AGRN: variants seen among roughly 807,000 people sequenced by gnomAD.
AGRN encodes the protein agrin proteoglycan.
A neutral mutation model predicts 211.0 loss-of-function variants in AGRN; 106 were observed. That is an observed-to-expected ratio of 0.50 (90% CI 0.43 to 0.59). The LOEUF is 0.59. Among genes scored for constraint, AGRN ranks in the 20% least tolerant of loss-of-function variants. The pLI, the probability that AGRN is intolerant of heterozygous loss-of-function variation, is 0.00. For synonymous variants in AGRN, 1,525 were observed against 1,332.5 expected (o/e 1.14, Z -3.15); for missense variants, 3,040 against 2,982.6 (o/e 1.02, Z -0.45).
intron 3 of AGRN, among the ~76,000 whole-genome samples, chr1:1,037,077 C>T (rs1380916113): frequency 6.6e-6 from 1 of 152,188 alleles, no homozygotes; most frequent in Non-Finnish European, 1.5e-5. Context: ...GGACCCGAGT[C>T]TTGCAGGAAG....
intron 2 of AGRN, among the ~76,000 whole-genome samples, chr1:1,033,118 G>A (rs1307660694): frequency 1.3e-5 from 2 of 152,052 alleles, no homozygotes; most frequent in Non-Finnish European, 2.9e-5. Flanking sequence ...GGGCGTTCCA[G>A]CCCCACGGAC....
Position 1,041,941 on chromosome 1 carries a change from A to G in AGRN, c.1178-15A>G. ...GCTCCAGCCTCTCCGTGACTCCCTC[A>G]CCCCTGCGTCCTAGACCAGTGCCCG... On this transcript the variant is annotated splice_polypyrimidine_tract_variant and intron_variant, in intron 6 of 35. Coordinates refer to ENST00000379370, the MANE Select transcript of AGRN (RefSeq NM_198576.4). 1.2e-6 allele frequency: 2 copies of G among 1,610,110 alleles called. No homozygotes were observed. Among genetic ancestry groups the G allele is most frequent in the East Asian group, 2.2e-5 (1 of 44,780 alleles).
At chr1:1,033,101 C>T (rs4279787) in intron 2 of AGRN, among the ~76,000 whole-genome samples, 1 of 152,226 alleles carries the variant, frequency 6.6e-6, no homozygotes, top group African/African-American at 2.4e-5. Flanking sequence ...CCGGAACGGC[C>T]TCTTGGGGGC....
In AGRN at chr1:1,048,408, TG is replaced by T; in HGVS notation, c.4105+48del. 1.4e-6 allele frequency: 1 copy of T among 704,666 alleles called. No homozygotes were observed. 43.7% of individuals were successfully genotyped at this position (704,666 alleles called of 1,614,324 possible). A position where few individuals can be genotyped will look rare whatever the true frequency, so the allele number is the denominator to read the frequency against. ...AGAGGAGGGCGGGGAGGCAGCAGGG[TG>T]GGGGCAAGGATTGGGGGTGGGGCTA... On this transcript the variant is annotated intron_variant, in intron 23 of 35. Coordinates refer to ENST00000379370, the MANE Select transcript of AGRN (RefSeq NM_198576.4). The surrounding 1 kb of genome is among the most constrained non-coding windows in gnomAD (Gnocchi z 5.9).
rs1344044399 is a variant in AGRN at position 1,020,319 on chromosome 1, G to A, written c.147G>A (p.Gly49=). ...REEEANVVLT[G]TVEEILNVDP... ...AGGAGGCGAACGTGGTGCTCACCGG[G>A]ACGGTGGAGGAGATCCTCAACGTGG... Residue 49 remains glycine, a synonymous_variant, in exon 1 of 36, where the codon GGG becomes GGA. Coordinates refer to ENST00000379370, the MANE Select transcript of AGRN (RefSeq NM_198576.4). 5.4e-6 allele frequency: 8 copies of A among 1,490,884 alleles called. No individual in the cohort carries two copies. Among genetic ancestry groups the A allele is most frequent in the East Asian group, 5.8e-5 (2 of 34,322 alleles). 92.4% of individuals were successfully genotyped at this position (1,490,884 alleles called of 1,614,324 possible).
In AGRN at chr1:1,050,333, G is replaced by A. The variant is rs565518558; in HGVS notation, c.4976+4G>A. On this transcript the variant is annotated splice_donor_region_variant and intron_variant, in intron 28 of 35. Transcript: ENST00000379370. ...ACACCTTTGCACGGGACCTGGGGTC[G>A]GTGGGGCAGGAGCAGGGGGAAGGGC... The A allele has an allele frequency of 1.3e-4, 206 of 1,612,832 alleles. 1 individual carries two copies. The South Asian group carries it at 2.0e-3, about 16-fold the overall frequency.
chr1:1,048,211 T>C lies in AGRN; in HGVS notation c.3951T>C (p.Arg1317=). ...TRRPPTTAPS[R]VPGRRPPAPQ... ...GGCCCCCCACCACTGCCCCCAGCCG[T>C]GTGCCCGGACGTCGGCCCCCGGCCC... Residue 1317 remains arginine, a synonymous_variant, in exon 23 of 36, where the codon CGT becomes CGC. Coordinates refer to ENST00000379370, the MANE Select transcript of AGRN (RefSeq NM_198576.4). This position sits in a 1 kb window ranked among gnomAD's most constrained non-coding sequence, Gnocchi z 5.9. The C allele has an allele frequency of 3.2e-6, 5 of 1,553,988 alleles. 1 individual carries two copies. The highest frequency in any genetic ancestry group is 4.3e-6 in the Non-Finnish European group (5 of 1,150,374).
In AGRN at chr1:1,047,781, G is replaced by A; in HGVS notation, c.3637G>A (p.Ala1213Thr). Residue 1213 changes from alanine to threonine, a missense_variant, in exon 22 of 36, where the codon GCC becomes ACC. By Grantham distance (58) the Ala-to-Thr change is moderately conservative. Transcript: ENST00000379370. ...CAGAGCTCCCTCCTCCCCAGCCACA[G>A]CCTTCAGGGCACCCGACGTGGCCCG... ...IVDVHFDPTT[A>T]FRAPDVARAL... is the part of the protein sequence containing the mutation. The A allele has an allele frequency of 6.2e-7, 1 of 1,607,904 alleles. No individual in the cohort carries two copies.
intron 7 of AGRN, 111 bp downstream of exon 7, chr1:1,042,273 T>G: frequency 7.5e-7 from 1 of 1,325,866 alleles, no homozygotes; most frequent in Non-Finnish European, 1.0e-6. Flanking sequence ...GTCCTGGGAG[T>G]GGGCCGGTCC....
chr1:1,054,489 C>T lies in AGRN; in HGVS notation c.5918C>T (p.Pro1973Leu), dbSNP rs1645398330. 3.1e-6 allele frequency: 5 copies of T among 1,602,526 alleles called. No individual in the cohort carries two copies. The highest frequency in any genetic ancestry group is 1.1e-5 in the South Asian group (1 of 88,798). Residue 1973 changes from proline (P) to leucine (L), a missense_variant, in exon 35 of 36, where the codon CCT (proline) becomes CTT (leucine). Around this residue, in one of 3 missense-constraint regions of AGRN, gnomAD observed 1,537 missense variants for 1,505.0 expected, o/e 1.02. Transcript: ENST00000379370. Reference protein sequence around the residue: ...EGSLQVGNEAPVTGSSPLGAT... With the variant: ...EGSLQVGNEALVTGSSPLGAT... ...TCCCTGCAGGTGGGCAATGAGGCCC[C>T]TGTGACCGGCTCCTCCCCGCTGGGC...
intron 3 of AGRN, among the ~76,000 whole-genome samples, chr1:1,038,288 A>G (rs2488994): frequency 0.87 from 131,825 of 152,164 alleles, 57,957 homozygotes; most frequent in East Asian, 1. Flanking sequence ...GGGGATGGGG[A>G]GCCAGTGCTC....
At chr1:1,043,110 C>T (rs762515772) in intron 7 of AGRN, 129 bp from the exon 8 acceptor site, 34 of 1,036,694 alleles carry the variant, frequency 3.3e-5, no homozygotes, top group African/African-American at 4.8e-5. Flanking sequence ...GTGCATCTGG[C>T]CCTTCTCCTG....
intron 2 of AGRN, among the ~76,000 whole-genome samples, chr1:1,033,352 C>T (rs1226247587): frequency 6.6e-6 from 1 of 151,846 alleles, no homozygotes; most frequent in East Asian, 1.9e-4. Flanking sequence ...GGCGCAGACA[C>T]TCGCGGGCAC....
rs3813192 is a variant in AGRN at position 1,047,193 on chromosome 1, C to G, written c.3389-134C>G. 5.5e-6 allele frequency: 8 copies of G among 1,443,218 alleles called. No homozygotes were observed. In the African/African-American group the frequency reaches 1.1e-4, roughly 21 times the overall value. 89.4% of individuals were successfully genotyped at this position (1,443,218 alleles called of 1,614,324 possible). A position where few individuals can be genotyped will look rare whatever the true frequency, so the allele number is the denominator to read the frequency against. ...CGACACCAGCCCCACCCTGGGGTCC[C>G]CACTAACCTCATGACCATCTGACTA... On this transcript the variant is annotated intron_variant, in intron 19 of 35. Transcript: ENST00000379370.
chr1:1,048,522 G>A lies in AGRN; in HGVS notation c.4105+157G>A, dbSNP rs1645168553. On this transcript the variant is annotated intron_variant, in intron 23 of 35. Coordinates refer to ENST00000379370, the MANE Select transcript of AGRN (RefSeq NM_198576.4). This position sits in a 1 kb window ranked among gnomAD's most constrained non-coding sequence, Gnocchi z 5.9. ...GCGGTGGCTCACGCCTGTAATCCCAGCACTTTGGGAGGCCGAGGCAGGCGG... is the reference window on the plus strand; with the variant it reads ...GCGGTGGCTCACGCCTGTAATCCCAACACTTTGGGAGGCCGAGGCAGGCGG... The A allele has an allele frequency of 2.3e-5, 16 of 695,804 alleles. No individual in the cohort carries two copies. The South Asian group carries it at 3.3e-4, about 14-fold the overall frequency. 43.1% of individuals were successfully genotyped at this position (695,804 alleles called of 1,614,324 possible).
chr1:1,040,649 C>T lies in AGRN; in HGVS notation c.512-16C>T. 6.5e-7 allele frequency: 1 copy of T among 1,546,918 alleles called. No individual in the cohort carries two copies. The highest frequency in any genetic ancestry group is 8.7e-7 in the Non-Finnish European group (1 of 1,146,272). ...GGCGTCTCGGCACCCTGAGCTTTCT[C>T]CCCTACCCGCCCCAGCGTGCCGGGG... On this transcript the variant is annotated splice_polypyrimidine_tract_variant and intron_variant, in intron 3 of 35. Coordinates refer to ENST00000379370, the MANE Select transcript of AGRN (RefSeq NM_198576.4).
At chr1:1,052,290 T>G (rs13303287) in intron 33 of AGRN, 326,103 of 352,260 alleles carry the variant, frequency 0.93, 151,191 homozygotes, top group East Asian at 1. Flanking sequence ...CCGTGTGCAC[T>G]TCCGCGTGTG....
intron 7 of AGRN, 121 bp from the exon 8 acceptor site, chr1:1,043,118 C>T (rs796224328): frequency 8.8e-7 from 1 of 1,136,540 alleles, no homozygotes; most frequent in Non-Finnish European, 1.3e-6. Flanking sequence ...GGCCCTTCTC[C>T]TGTGTTCTCT....
At chr1:1,023,988 G>A (rs1054760031) in intron 2 of AGRN, among the ~76,000 whole-genome samples, 9 of 152,146 alleles carry the variant, frequency 5.9e-5, no homozygotes, top group East Asian at 1.9e-4. Flanking sequence ...TGTGGCCACC[G>A]GACCCCCTGG....
Sources: gnomAD v4.1 joint callset for allele counts (sites outside exome capture counted in the v4.1 genomes callset) on GRCh38, gnomAD v4.1.1 for gene constraint, gnomAD v4.1.1 regional missense constraint, Gnocchi (gnomAD v3.1) non-coding constraint, MANE v1.5 for transcripts, NCBI Gene and HGNC (gene_info 2026-07-23, HGNC 2026-07-21) for gene names.